Variants in SMAD3 observed in about 807,000 individuals in gnomAD.
SMAD3 encodes MAD homolog 3.
A neutral mutation model predicts 51.8 loss-of-function variants in SMAD3; 12 were observed. The ratio of observed to expected loss-of-function variants is 0.23; its 90% CI spans 0.15 to 0.38. The LOEUF is 0.38. SMAD3 is among the 10% of genes least tolerant of loss of function. The probability of loss-of-function intolerance (pLI) is 1.00; values close to 1 mark genes in which losing one functional copy is unlikely to be tolerated. For missense variants in SMAD3, 294 were observed against 565.6 expected (o/e 0.52, Z 4.87); for synonymous variants, 238 against 227.7 (o/e 1.05, Z -0.41).
At chr15:67,182,998 AAAATATATATATAT>A (rs1485752656) in intron 6 of SMAD3, among the ~76,000 whole-genome samples, 1 of 49,084 alleles carries the variant, frequency 2.0e-5, no homozygotes, top group African/African-American at 8.8e-5. Context: ...AAAAAAAAAA[AAAATATATATATAT>A]ATATATATAT....
At chr15:67,089,155 A>G (rs1307017461) in intron 1 of SMAD3, among the ~76,000 whole-genome samples, 1 of 152,136 alleles carries the variant, frequency 6.6e-6, no homozygotes, top group Non-Finnish European at 1.5e-5. Context: ...AAAGGGGTGT[A>G]TGGCTGCTTA....
At chr15:67,112,100 TC>T (rs1330081519) in intron 1 of SMAD3, among the ~76,000 whole-genome samples, 1 of 151,368 alleles carries the variant, frequency 6.6e-6, no homozygotes, top group East Asian at 1.9e-4. Context: ...CATTTGTATA[TC>T]TTGTTTGGAG....
intron 1 of SMAD3, among the ~76,000 whole-genome samples, chr15:67,130,331 G>T (rs145392146): frequency 1.2e-4 from 19 of 152,218 alleles, no homozygotes; most frequent in Middle Eastern, 3.4e-3. Context: ...CTTACACCAG[G>T]GGTCCCCAAC....
rs1962549438 is a variant in SMAD3 at position 67,165,264 on chromosome 15, G to A, written c.412G>A (p.Val138Met). The A allele has an allele frequency of 6.2e-7, 1 of 1,614,072 alleles. No homozygotes were observed. The highest frequency in any genetic ancestry group is 8.5e-7 in the Non-Finnish European group (1 of 1,180,040). The change falls in exon 3 of 9, where the codon GTG becomes ATG. Residue 138 changes from valine (V) to methionine (M), a missense_variant. Coordinates refer to ENST00000327367, the MANE Select transcript of SMAD3 (RefSeq NM_005902.4). ...TCTCCCCCGGACAGTTCTACCTCCT[G>A]TGTTGGTGCCACGCCACACAGAGAT... is the stretch of plus-strand genomic sequence containing the variant. Reference protein sequence around the residue: ...QRVETPVLPPVLVPRHTEIPA... With the variant: ...QRVETPVLPPMLVPRHTEIPA...
chr15:67,142,144 G>GT (rs1289331590), intron 1 of SMAD3, among the ~76,000 whole-genome samples: 2 of 150,474 alleles, frequency 1.3e-5, no homozygotes, highest in Non-Finnish European at 3.0e-5. Flanking sequence ...TTCCTAAACT[G>GT]TTAGATTTTA....
chr15:67,186,064 A>T (rs1309610202), intron 7 of SMAD3, among the ~76,000 whole-genome samples: 1 of 152,258 alleles, frequency 6.6e-6, no homozygotes, highest in African/African-American at 2.4e-5. Context: ...GACCTCATTT[A>T]GTCCTCACCA....
chr15:67,165,306 C>T lies in SMAD3; in HGVS notation c.454C>T (p.Pro152Ser). The T allele has an allele frequency of 6.2e-7, 1 of 1,614,224 alleles. No individual in the cohort carries two copies. The highest frequency in any genetic ancestry group is 1.3e-5 in the African/African-American group (1 of 75,058). The change falls in exon 3 of 9, where the codon CCA becomes TCA. Residue 152 changes from proline (P) to serine (S), a missense_variant. Coordinates refer to ENST00000327367, the MANE Select transcript of SMAD3 (RefSeq NM_005902.4). ...CACAGAGATCCCGGCCGAGTTCCCC[C>T]CACTGGACGACTACAGCCATTCCAT... is the stretch of plus-strand genomic sequence containing the variant. ...RHTEIPAEFPPLDDYSHSIPE... is the reference protein window; with the variant it reads ...RHTEIPAEFPSLDDYSHSIPE...
At chr15:67,095,053 C>T (rs965068175) in intron 1 of SMAD3, among the ~76,000 whole-genome samples, 3 of 152,116 alleles carry the variant, frequency 2.0e-5, no homozygotes, top group African/African-American at 7.2e-5. Flanking sequence ...ATGTACAAGG[C>T]ATTGCTTAGT....
At chr15:67,133,332 T>C (rs1339190604) in intron 1 of SMAD3, among the ~76,000 whole-genome samples, 1 of 152,196 alleles carries the variant, frequency 6.6e-6, no homozygotes, top group African/African-American at 2.4e-5. Flanking sequence ...ATCAGGCCTA[T>C]AGCCATAATC....
At chr15:67,104,113 G>A (rs951461403) in intron 1 of SMAD3, among the ~76,000 whole-genome samples, 5 of 152,124 alleles carry the variant, frequency 3.3e-5, no homozygotes, top group African/African-American at 9.7e-5. Context: ...AGACAGATAA[G>A]ATCGGATTTC....
chr15:67,116,910 G>A (rs1961147727), intron 1 of SMAD3, among the ~76,000 whole-genome samples: 1 of 152,140 alleles, frequency 6.6e-6, no homozygotes, highest in Non-Finnish European at 1.5e-5. Flanking sequence ...GTCAGGAGGT[G>A]AGAAAGCAGA....
At chr15:67,135,332 C>T (rs1961632228) in intron 1 of SMAD3, among the ~76,000 whole-genome samples, 1 of 152,226 alleles carries the variant, frequency 6.6e-6, no homozygotes, top group African/African-American at 2.4e-5. Flanking sequence ...CCAGCCTGCC[C>T]CCTTCACAGT....
intron 1 of SMAD3, among the ~76,000 whole-genome samples, chr15:67,155,433 G>T (rs959511338): frequency 5.3e-5 from 8 of 152,182 alleles, no homozygotes; most frequent in African/African-American, 1.9e-4. Context: ...GCGGTCCATT[G>T]CATGGAAGAA....
chr15:67,098,059 G>A (rs956019736), intron 1 of SMAD3, among the ~76,000 whole-genome samples: 5 of 152,126 alleles, frequency 3.3e-5, no homozygotes, highest in Non-Finnish European at 5.9e-5. Flanking sequence ...GAGCATTCGT[G>A]GGTGTGCCTG....
intron 1 of SMAD3, 90 bp from the exon 2 acceptor site, chr15:67,164,805 T>A: frequency 3.7e-6 from 5 of 1,352,572 alleles, no homozygotes; most frequent in Non-Finnish European, 5.3e-6. Flanking sequence ...GAGAGAGCTT[T>A]CCAAGTGTCT....
intron 5 of SMAD3, 130 bp downstream of exon 5, chr15:67,170,734 C>T (rs1962728623): frequency 1.3e-6 from 1 of 782,730 alleles, no homozygotes; most frequent in Admixed American, 2.1e-5. Flanking sequence ...CTCAGCCCAT[C>T]AGGTTTCTGG....
chr15:67,168,201 C>T (rs778851305), intron 4 of SMAD3, among the ~76,000 whole-genome samples: 7 of 152,196 alleles, frequency 4.6e-5, no homozygotes, highest in African/African-American at 1.2e-4. Context: ...GTGATCTGCC[C>T]GCTTCGACCT....
chr15:67,124,712 C>T (rs111646452), intron 1 of SMAD3, among the ~76,000 whole-genome samples: 14 of 152,270 alleles, frequency 9.2e-5, no homozygotes, highest in African/African-American at 3.4e-4. Context: ...TTCAAAGGTA[C>T]ACCTCTACCT....
rs537594091 is a variant in SMAD3 at position 67,191,652 on chromosome 15, G to A, written c.*1116G>A. On this transcript the variant is annotated 3_prime_UTR_variant, in exon 9 of 9. Coordinates refer to ENST00000327367, the MANE Select transcript of SMAD3 (RefSeq NM_005902.4). Reference sequence around the variant, plus strand: ...TGAAGCTTTTCCAGGTTTTGTTGAAGAGATACCTGCCAGCACTTCTGCAAG... The same window carrying A: ...TGAAGCTTTTCCAGGTTTTGTTGAAAAGATACCTGCCAGCACTTCTGCAAG... 4.7e-5 allele frequency: 11 copies of A among 232,906 alleles called. No individual in the cohort carries two copies. The Admixed American group carries it at 5.1e-4, about 11-fold the overall frequency. The allele number at this position is 232,906 out of a possible 1,614,324, so 14.4% of individuals were successfully genotyped here.
Sources: allele counts gnomAD v4.1 joint callset (sites outside exome capture counted in the v4.1 genomes callset), GRCh38; gene constraint gnomAD v4.1.1; transcripts MANE v1.5; gene names NCBI Gene and HGNC (gene_info 2026-07-23, HGNC 2026-07-21).